EEIG2: variants seen among roughly 807,000 people sequenced by gnomAD.
EEIG2 encodes family with sequence similarity 102 member B.
chr1:108,625,774 C>CTGTGTGTGTGTG, the EEIG2 span: 9 of 23,280 alleles, frequency 3.9e-4, no homozygotes, highest in Admixed American at 7.0e-4. Flanking sequence ...CTCTCTCTCT[C>CTGTGTGTGTGTG]TGTGTGTGTG....
the EEIG2 span, among the ~76,000 whole-genome samples, chr1:108,560,824 G>A: frequency 6.6e-6 from 1 of 152,128 alleles, no homozygotes; most frequent in Non-Finnish European, 1.5e-5. Flanking sequence ...GCCAGAGAGG[G>A]AGGATGCTTC....
At chr1:108,607,829 C>A in the EEIG2 span, among the ~76,000 whole-genome samples, 1 of 152,182 alleles carries the variant, frequency 6.6e-6, no homozygotes, top group Admixed American at 6.5e-5. Flanking sequence ...GCCACTGCCT[C>A]AGGTTATGCC....
chr1:108,573,918 G>C, the EEIG2 span, among the ~76,000 whole-genome samples: 2 of 152,188 alleles, frequency 1.3e-5, no homozygotes, highest in African/African-American at 2.4e-5. Context: ...GGAGAAATTA[G>C]AACCCTTTTG....
At chr1:108,624,256 C>T in the EEIG2 span, among the ~76,000 whole-genome samples, 6 of 152,032 alleles carry the variant, frequency 3.9e-5, no homozygotes, top group African/African-American at 1.4e-4. Flanking sequence ...GCAGGAGGCA[C>T]GAGGCATTCT....
chr1:108,560,688 T>G, the EEIG2 span: 1 of 1,191,362 alleles, frequency 8.4e-7, no homozygotes, highest in Non-Finnish European at 1.1e-6. Context: ...TCAGTCGAAT[T>G]TATTGATCTG....
the EEIG2 span, among the ~76,000 whole-genome samples, chr1:108,614,938 T>G: frequency 6.6e-6 from 1 of 152,136 alleles, no homozygotes; most frequent in Non-Finnish European, 1.5e-5. Flanking sequence ...GCAGTTTTGA[T>G]GGAGTTGGAA....
At chr1:108,616,417 A>G in the EEIG2 span, 2 of 1,596,296 alleles carry the variant, frequency 1.3e-6, no homozygotes. Context: ...CTGGTGACCC[A>G]TGTTTTAAAA....
chr1:108,604,040 G>A, the EEIG2 span, among the ~76,000 whole-genome samples: 1 of 152,228 alleles, frequency 6.6e-6, no homozygotes, highest in Admixed American at 6.5e-5. Context: ...AGACAAGTGA[G>A]TGTGGCTGAG....
chr1:108,614,205 TAA>T, the EEIG2 span, among the ~76,000 whole-genome samples: 3 of 101,222 alleles, frequency 3.0e-5, no homozygotes, highest in Admixed American at 1.2e-4. Context: ...ACCCCATCTC[TAA>T]AAAAAAAAAA....
At chr1:108,632,111 CAAAAAAAA>C in the EEIG2 span, among the ~76,000 whole-genome samples, 6 of 65,380 alleles carry the variant, frequency 9.2e-5, no homozygotes, top group Non-Finnish European at 1.0e-4. Flanking sequence ...GAGACTGTCT[CAAAAAAAA>C]AAAAAAAAAA....
At chr1:108,565,605 T>G in the EEIG2 span, among the ~76,000 whole-genome samples, 1 of 152,346 alleles carries the variant, frequency 6.6e-6, no homozygotes, top group East Asian at 1.9e-4. Flanking sequence ...CTAGTTTGCC[T>G]TATTTTGTTC....
At chr1:108,638,512 A>C in the EEIG2 span, 1 of 152,238 alleles carries the variant, frequency 6.6e-6, no homozygotes. Context: ...TCAGGCTTCC[A>C]GTATATATAG....
chr1:108,563,154 A>G, the EEIG2 span, among the ~76,000 whole-genome samples: 1 of 152,160 alleles, frequency 6.6e-6, no homozygotes, highest in Non-Finnish European at 1.5e-5. Flanking sequence ...TTGAATGGTA[A>G]ATGGTTCCAT....
the EEIG2 span, chr1:108,627,890 CAGG>C: frequency 5.4e-6 from 2 of 373,334 alleles, no homozygotes; most frequent in Non-Finnish European, 9.8e-6. Flanking sequence ...TTTTGAACAA[CAGG>C]AGTTTATTGC....
the EEIG2 span, among the ~76,000 whole-genome samples, chr1:108,618,737 G>A: frequency 6.6e-6 from 1 of 151,634 alleles, no homozygotes; most frequent in African/African-American, 2.4e-5. Flanking sequence ...TACTTGGGAG[G>A]CTAAGGGGAG....
the EEIG2 span, among the ~76,000 whole-genome samples, chr1:108,578,921 A>T: frequency 8.2e-6 from 1 of 121,616 alleles, no homozygotes; most frequent in Non-Finnish European, 1.7e-5. Flanking sequence ...GCCTGCCCTA[A>T]AAGAGCTCCT....
the EEIG2 span, chr1:108,616,385 T>C: frequency 6.3e-7 from 1 of 1,595,866 alleles, no homozygotes; most frequent in East Asian, 2.2e-5. Flanking sequence ...TATTTAGGTT[T>C]TGATCAGTAT....
At chr1:108,623,457 C>T in the EEIG2 span, among the ~76,000 whole-genome samples, 3 of 151,794 alleles carry the variant, frequency 2.0e-5, no homozygotes, top group Non-Finnish European at 4.4e-5. Flanking sequence ...ATTGCGCCAC[C>T]GCACTCCAAC....
chr1:108,607,097 G>A, the EEIG2 span, among the ~76,000 whole-genome samples: 1 of 152,224 alleles, frequency 6.6e-6, no homozygotes, highest in Admixed American at 6.5e-5. Flanking sequence ...AAAACAAGGA[G>A]ATGTGAGATA....
Sources: allele counts gnomAD v4.1 joint callset (sites outside exome capture counted in the v4.1 genomes callset), GRCh38; gene constraint gnomAD v4.1.1; transcripts MANE v1.5; gene names NCBI Gene and HGNC (gene_info 2026-07-23, HGNC 2026-07-21).